Variants in SREBF2 observed in about 807,000 individuals in gnomAD.
SREBF2 encodes the protein sterol regulatory element binding transcription factor 2.
SREBF2 carries 55 observed loss-of-function variants against 113.1 expected under a neutral mutation model. That is an observed-to-expected ratio of 0.49 (90% CI 0.39 to 0.61). The LOEUF is 0.61. Among genes scored for constraint, SREBF2 ranks in the 20% least tolerant of loss-of-function variants. The pLI, the probability that SREBF2 is intolerant of heterozygous loss-of-function variation, is 0.00. For synonymous variants in SREBF2, 593 were observed against 605.7 expected (o/e 0.98, Z 0.31); for missense variants, 1,349 against 1,487.4 (o/e 0.91, Z 1.53).
At position 41,833,216 on chromosome 22, in the gene SREBF2, C is replaced by A; in HGVS notation, c.-55C>A. 2 of 1,427,476 alleles carry A rather than the reference C, an allele frequency of 1.4e-6. No individual in the cohort carries two copies. The highest frequency in any genetic ancestry group is 2.2e-5 in the Admixed American group (1 of 45,350). 88.4% of individuals were successfully genotyped at this position (1,427,476 alleles called of 1,614,324 possible). On this transcript the variant is annotated 5_prime_UTR_variant, in exon 1 of 19. Coordinates refer to ENST00000361204, the MANE Select transcript of SREBF2 (RefSeq NM_004599.4). This position sits in a 1 kb window ranked among gnomAD's most constrained non-coding sequence, Gnocchi z 4.1. ...GTCATGGGCGGTGGCGACGGCACCG[C>A]CCCCGCGTCTCCCTGAGCGGGACGG... is the stretch of plus-strand genomic sequence containing the variant.
intron 1 of SREBF2, among the ~76,000 whole-genome samples, chr22:41,854,147 G>A (rs762364554): frequency 6.6e-6 from 1 of 150,806 alleles, no homozygotes; most frequent in Non-Finnish European, 1.5e-5. Context: ...TTGTTGTTTT[G>A]TGTTTTGTGT....
chr22:41,880,908 G>A lies in SREBF2; in HGVS notation c.1954G>A (p.Glu652Lys). ...FQCRRATPAT[E>K]AGFEDEAKTS... ...GTGCCGGCGGGCCACGCCAGCCACT[G>A]AGGCAGGCTTTGAAGACGAAGCTAA... Residue 652 changes from glutamate to lysine, a missense_variant, in exon 10 of 19, where the codon GAG becomes AAG. Around this residue, in one of 2 missense-constraint regions of SREBF2, gnomAD observed 699 missense variants for 843.3 expected, o/e 0.83. Transcript: ENST00000361204. The A allele has an allele frequency of 6.2e-7, 1 of 1,613,762 alleles. No individual in the cohort carries two copies. Among genetic ancestry groups the A allele is most frequent in the South Asian group, 1.1e-5 (1 of 91,082 alleles).
At position 41,905,556 on chromosome 22, in the gene SREBF2, G is replaced by A. The variant is rs747345173; in HGVS notation, c.3322G>A (p.Glu1108Lys). 5.0e-6 allele frequency: 8 copies of A among 1,592,922 alleles called. No homozygotes were observed. Among genetic ancestry groups the A allele is most frequent in the African/African-American group, 2.7e-5 (2 of 74,510 alleles). ...SPGQRAVLLA[E>K]AARTLEKVGD... ...GGGCCAGCGGGCAGTGCTGCTGGCC[G>A]AAGCTGCCCGCACCCTGGAGAAGGT... The change falls in exon 19 of 19, where the codon GAA (glutamate) becomes AAA (lysine). Residue 1108 changes from glutamate (E) to lysine (K), a missense_variant. Physicochemically the swap from Glu to Lys is moderately conservative, Grantham distance 56 (BLOSUM62 1). This residue lies in a region of SREBF2 where 650 missense variants were observed against 644.1 expected (regional missense o/e 1.01). Coordinates refer to ENST00000361204, the MANE Select transcript of SREBF2 (RefSeq NM_004599.4).
chr22:41,853,915 G>A (rs2076954151), intron 1 of SREBF2, among the ~76,000 whole-genome samples: 1 of 151,670 alleles, frequency 6.6e-6, no homozygotes, highest in South Asian at 2.1e-4. Flanking sequence ...GGCGCCTGTA[G>A]TCCCAGCTAC....
chr22:41,904,461 C>T, intron 17 of SREBF2: 1 of 423,926 alleles, frequency 2.4e-6, no homozygotes, highest in South Asian at 1.9e-5. Context: ...GATACCAAAC[C>T]TCTCTGGTAC....
At chr22:41,862,979 A>G (rs2077040351) in intron 1 of SREBF2, among the ~76,000 whole-genome samples, 1 of 152,182 alleles carries the variant, frequency 6.6e-6, no homozygotes, top group African/African-American at 2.4e-5. Context: ...TGACCTGTGT[A>G]GGTTACTTCA....
intron 14 of SREBF2, 97 bp from the exon 15 acceptor site, chr22:41,898,552 G>A (rs1469705949): frequency 6.5e-6 from 10 of 1,547,266 alleles, no homozygotes; most frequent in South Asian, 1.2e-5. Context: ...AGGCAAAGAT[G>A]TTACCCATCT....
At position 41,833,576 on chromosome 22, in the gene SREBF2, C is replaced by A; in HGVS notation, c.88+218C>A. On this transcript the variant is annotated intron_variant, in intron 1 of 18. Coordinates refer to ENST00000361204, the MANE Select transcript of SREBF2 (RefSeq NM_004599.4). The surrounding 1 kb of genome is among the most constrained non-coding windows in gnomAD (Gnocchi z 4.1). Reference sequence around the variant, plus strand: ...CGGGAGGCCGTGGGATCTGGGGCGCCGCGGGGCCGAAAGCGGCGCGAGGGT... The same window carrying A: ...CGGGAGGCCGTGGGATCTGGGGCGCAGCGGGGCCGAAAGCGGCGCGAGGGT... 1 of 430,342 alleles carries A rather than the reference C, an allele frequency of 2.3e-6. No homozygotes were observed. The allele number at this position is 430,342 out of a possible 1,614,324, so 26.7% of individuals were successfully genotyped here.
At chr22:41,853,121 T>C (rs747773921) in intron 1 of SREBF2, among the ~76,000 whole-genome samples, 2 of 152,200 alleles carry the variant, frequency 1.3e-5, no homozygotes, top group African/African-American at 2.4e-5. Context: ...CTCAACCCCA[T>C]GTAAACCAGA....
At chr22:41,851,597 G>T (rs578165699) in intron 1 of SREBF2, among the ~76,000 whole-genome samples, 1 of 152,040 alleles carries the variant, frequency 6.6e-6, no homozygotes, top group African/African-American at 2.4e-5. Context: ...GGGTTCAAGC[G>T]ATTCTCCTGC....
chr22:41,890,328 C>T (rs185859849), intron 11 of SREBF2, among the ~76,000 whole-genome samples: 71 of 152,358 alleles, frequency 4.7e-4, no homozygotes, highest in Admixed American at 2.9e-3. Flanking sequence ...GCTGCATGCT[C>T]TCCCCATCTA....
At chr22:41,853,139 A>T (rs980840684) in intron 1 of SREBF2, among the ~76,000 whole-genome samples, 2 of 152,180 alleles carry the variant, frequency 1.3e-5, no homozygotes, top group Non-Finnish European at 2.9e-5. Flanking sequence ...AGAATGAGCA[A>T]CTGCTGGGCT....
chr22:41,903,819 T>C (rs1390150752), intron 17 of SREBF2, among the ~76,000 whole-genome samples: 1 of 152,194 alleles, frequency 6.6e-6, no homozygotes, highest in African/African-American at 2.4e-5. Flanking sequence ...GAGCTTGGGA[T>C]TCAGCCCCCA....
At chr22:41,844,033 T>TACATACACACACACAC (rs1556029623) in intron 1 of SREBF2, among the ~76,000 whole-genome samples, 2 of 123,108 alleles carry the variant, frequency 1.6e-5, no homozygotes, top group Non-Finnish European at 3.1e-5. Context: ...AAAAAATACA[T>TACATACACACACACAC]ACACACACAC....
intron 1 of SREBF2, among the ~76,000 whole-genome samples, chr22:41,846,654 G>A (rs922965209): frequency 2.0e-5 from 3 of 152,212 alleles, no homozygotes; most frequent in Admixed American, 6.5e-5. Context: ...ATTTTGCACC[G>A]TGCTGTCTCT....
chr22:41,874,120 A>T lies in SREBF2; in HGVS notation c.1089+101A>T, dbSNP rs2077171146. On this transcript the variant is annotated intron_variant, in intron 5 of 18. Transcript: ENST00000361204. ...AGTCCCAGGCTCAAGGTAAGTGAAT[A>T]CAAGACCGAGTTAGAGGTGCTTTTT... 6.6e-6 allele frequency: 8 copies of T among 1,207,932 alleles called. No homozygotes were observed. The South Asian group carries it at 8.9e-5, about 13-fold the overall frequency. The allele number at this position is 1,207,932 out of a possible 1,614,324, so 74.8% of individuals were successfully genotyped here.
At chr22:41,857,759 C>T (rs2839714) in intron 1 of SREBF2, among the ~76,000 whole-genome samples, 12,569 of 152,212 alleles carry the variant, frequency 0.083, 662 homozygotes, top group East Asian at 0.15. Flanking sequence ...GACATGATAC[C>T]GTCCCTGTGC....
intron 1 of SREBF2, among the ~76,000 whole-genome samples, chr22:41,853,385 C>G (rs2076949878): frequency 1.3e-5 from 2 of 152,192 alleles, no homozygotes; most frequent in Non-Finnish European, 2.9e-5. Context: ...TCCTGATCAG[C>G]CTTCAATCCA....
intron 10 of SREBF2, among the ~76,000 whole-genome samples, chr22:41,882,658 T>C (rs894651623): frequency 3.3e-5 from 5 of 152,004 alleles, no homozygotes; most frequent in African/African-American, 1.2e-4. Flanking sequence ...ATACAAAAAT[T>C]AGCCGGGTGT....
Sources: gnomAD v4.1 joint callset for allele counts (sites outside exome capture counted in the v4.1 genomes callset) on GRCh38, gnomAD v4.1.1 for gene constraint, gnomAD v4.1.1 regional missense constraint, Gnocchi (gnomAD v3.1) non-coding constraint, MANE v1.5 for transcripts, NCBI Gene and HGNC (gene_info 2026-07-23, HGNC 2026-07-21) for gene names.